Variants in RCAN1 observed in about 807,000 individuals in gnomAD.
RCAN1 encodes the protein regulator of calcineurin 1.
RCAN1 carries 11 observed loss-of-function variants against 22.9 expected under a neutral mutation model. The observed-to-expected ratio is 0.48, with a 90% CI of 0.30 to 0.79. The LOEUF is 0.79. Among genes scored for constraint, RCAN1 ranks in the 30% least tolerant of loss-of-function variants. The pLI is 0.06. For missense variants in RCAN1, 291 were observed against 337.8 expected (o/e 0.86, Z 1.09); for synonymous variants, 136 against 142.3 (o/e 0.96, Z 0.32).
intron 1 of RCAN1, among the ~76,000 whole-genome samples, chr21:34,595,883 A>G (rs1893429990): frequency 6.6e-6 from 1 of 152,206 alleles, no homozygotes; most frequent in Admixed American, 6.5e-5. Flanking sequence ...TACGTGTGAA[A>G]AGGGGAGTCT....
At chr21:34,587,258 A>G (rs1267647707) in intron 1 of RCAN1, among the ~76,000 whole-genome samples, 2 of 152,168 alleles carry the variant, frequency 1.3e-5, no homozygotes, top group Non-Finnish European at 2.9e-5. Flanking sequence ...GAGAAAATCA[A>G]TTGGTTCTAT....
At chr21:34,521,882 G>A in intron 2 of RCAN1, 1 of 539,450 alleles carries the variant, frequency 1.9e-6, no homozygotes. Context: ...CCAGGGCTAT[G>A]GGAGTCACAG....
intron 1 of RCAN1, among the ~76,000 whole-genome samples, chr21:34,613,125 C>T (rs1429089605): frequency 6.6e-6 from 1 of 152,166 alleles, no homozygotes; most frequent in Admixed American, 6.5e-5. Flanking sequence ...GACAGCAAAG[C>T]CTGAATGAAC....
intron 1 of RCAN1, chr21:34,526,601 T>C: frequency 1.3e-6 from 2 of 1,501,536 alleles, no homozygotes; most frequent in Non-Finnish European, 1.8e-6. Flanking sequence ...ATTCAGTTAA[T>C]AGTCCCAGTT....
In RCAN1 at chr21:34,516,775, A is replaced by G. The variant is rs1984070741; in HGVS notation, c.*1309T>C. Reference sequence around the variant, plus strand: ...CATGCATTGTTACTTGGCATTAAGTATTTCAAAATGACAAACATTGTTACG... The same window carrying G: ...CATGCATTGTTACTTGGCATTAAGTGTTTCAAAATGACAAACATTGTTACG... On this transcript the variant is annotated 3_prime_UTR_variant, in exon 4 of 4. Coordinates refer to ENST00000313806, the MANE Select transcript of RCAN1 (RefSeq NM_004414.7). 6.6e-6 allele frequency: 1 copy of G among 152,350 alleles called. No individual in the cohort carries two copies. Among genetic ancestry groups the G allele is most frequent in the African/African-American group, 2.4e-5 (1 of 41,474 alleles). 9.4% of individuals were successfully genotyped at this position (152,350 alleles called of 1,614,324 possible). A position where few individuals can be genotyped will look rare whatever the true frequency, so the allele number is the denominator to read the frequency against.
chr21:34,529,257 T>G (rs1304465958), intron 1 of RCAN1, among the ~76,000 whole-genome samples: 1 of 152,140 alleles, frequency 6.6e-6, no homozygotes. Flanking sequence ...GGAGGGCACT[T>G]AGGATCTGCC....
At chr21:34,564,005 T>C (rs1986911302) in intron 1 of RCAN1, among the ~76,000 whole-genome samples, 1 of 151,552 alleles carries the variant, frequency 6.6e-6, no homozygotes, top group Non-Finnish European at 1.5e-5. Flanking sequence ...GGGTAGTTTA[T>C]AAAGGAAGAG....
At chr21:34,544,592 A>T (rs1371463394) in intron 1 of RCAN1, among the ~76,000 whole-genome samples, 2 of 152,232 alleles carry the variant, frequency 1.3e-5, no homozygotes, top group East Asian at 3.8e-4. Context: ...GTCACACAGC[A>T]ATAGAAAACT....
chr21:34,554,388 G>A (rs924590071), intron 1 of RCAN1, among the ~76,000 whole-genome samples: 1 of 152,174 alleles, frequency 6.6e-6, no homozygotes, highest in Non-Finnish European at 1.5e-5. Context: ...AAAGTGTGGT[G>A]CTGAAACCAC....
At position 34,525,258 on chromosome 21, in the gene RCAN1, G is replaced by T. The variant is rs902424977; in HGVS notation, c.253-1548C>A. On this transcript the variant is annotated intron_variant, in intron 1 of 3. Coordinates refer to ENST00000313806, the MANE Select transcript of RCAN1 (RefSeq NM_004414.7). ...GAGCAGGGTAGTCGGTCCCTGCCAGGCAGGTCGTTAAGGAGCAGTCGGAAC... is the reference window on the plus strand; with the variant it reads ...GAGCAGGGTAGTCGGTCCCTGCCAGTCAGGTCGTTAAGGAGCAGTCGGAAC... The T allele has an allele frequency of 3.2e-6, 5 of 1,550,586 alleles. No homozygotes were observed. The African/African-American group carries it at 6.8e-5, about 21-fold the overall frequency.
intron 1 of RCAN1, among the ~76,000 whole-genome samples, chr21:34,525,923 G>A (rs999078405): frequency 2.6e-5 from 4 of 151,824 alleles, no homozygotes; most frequent in Admixed American, 1.3e-4. Flanking sequence ...AGAAACCTTC[G>A]CATGTCCCAA....
intron 1 of RCAN1, among the ~76,000 whole-genome samples, chr21:34,576,324 T>C (rs1987409795): frequency 6.6e-6 from 1 of 152,222 alleles, no homozygotes; most frequent in Admixed American, 6.5e-5. Context: ...CTGTGTCCTC[T>C]ACCCGAGCTG....
At chr21:34,524,001 T>G in intron 1 of RCAN1, 1 of 236,280 alleles carries the variant, frequency 4.2e-6, no homozygotes, top group Non-Finnish European at 8.4e-6. Context: ...AAGGCTGGTC[T>G]CAAGCTCCTG....
At chr21:34,573,840 T>C (rs1987317175) in intron 1 of RCAN1, among the ~76,000 whole-genome samples, 1 of 152,254 alleles carries the variant, frequency 6.6e-6, no homozygotes, top group African/African-American at 2.4e-5. Context: ...TGCCTACTTG[T>C]AATTTTTGTT....
chr21:34,607,660 C>T (rs1988570981), intron 1 of RCAN1, among the ~76,000 whole-genome samples: 1 of 152,186 alleles, frequency 6.6e-6, no homozygotes, highest in Non-Finnish European at 1.5e-5. Context: ...AGTCACCACA[C>T]CCAGCCTTAG....
chr21:34,584,609 T>C (rs1987728558), intron 1 of RCAN1, among the ~76,000 whole-genome samples: 1 of 152,166 alleles, frequency 6.6e-6, no homozygotes, highest in African/African-American at 2.4e-5. Context: ...CCTATTGAGG[T>C]TTTCATCAAA....
rs1984154588 is a variant in RCAN1 at position 34,517,841 on chromosome 21, C to T, written c.*243G>A. ...TTTTCTCAAGACAGTCCCAAATGTC[C>T]TTGTGCGATCACCACAAACTCAGTG... On this transcript the variant is annotated 3_prime_UTR_variant, in exon 4 of 4. Transcript: ENST00000313806. 1.8e-6 allele frequency: 1 copy of T among 558,152 alleles called. No individual in the cohort carries two copies. Among genetic ancestry groups the T allele is most frequent in the Admixed American group, 3.2e-5 (1 of 31,480 alleles). 34.6% of individuals were successfully genotyped at this position (558,152 alleles called of 1,614,324 possible). A position where few individuals can be genotyped will look rare whatever the true frequency, so the allele number is the denominator to read the frequency against.
intron 1 of RCAN1, among the ~76,000 whole-genome samples, chr21:34,553,665 C>T (rs1301799671): frequency 6.6e-6 from 1 of 152,190 alleles, no homozygotes; most frequent in Non-Finnish European, 1.5e-5. Context: ...TTTGGCCATA[C>T]ATTCCTAAGA....
chr21:34,569,874 C>G (rs1212008478), intron 1 of RCAN1, among the ~76,000 whole-genome samples: 1 of 152,202 alleles, frequency 6.6e-6, no homozygotes, highest in Non-Finnish European at 1.5e-5. Context: ...CTGATTAATT[C>G]CTTCCCGGAT....
Sources: allele counts gnomAD v4.1 joint callset (sites outside exome capture counted in the v4.1 genomes callset), GRCh38; gene constraint gnomAD v4.1.1; transcripts MANE v1.5; gene names NCBI Gene and HGNC (gene_info 2026-07-23, HGNC 2026-07-21).